Variants in ADAMTS2 observed in about 807,000 individuals in gnomAD.
The protein encoded by ADAMTS2 is A disintegrin and metalloproteinase with thrombospondin motifs 2.
A neutral mutation model predicts 123.0 loss-of-function variants in ADAMTS2; 50 were observed. The ratio of observed to expected loss-of-function variants is 0.41; its 90% confidence interval spans 0.32 to 0.51. The LOEUF is 0.51. Among genes scored for constraint, ADAMTS2 ranks in the 20% least tolerant of loss-of-function variants. ADAMTS2 has a pLI of 0.35. For synonymous variants in ADAMTS2, 678 were observed against 695.4 expected, an observed-to-expected ratio of 0.98 and a Z score of 0.39; for missense variants, 1,494 against 1,705.2, an observed-to-expected ratio of 0.88 and a Z score of 2.18.
In ADAMTS2 at chr5:179,135,778, C is replaced by T. The variant is rs926114034; in HGVS notation, c.2085+131G>A. 11 of 1,371,792 alleles carry T rather than the reference C, an allele frequency of 8.0e-6. No individual in the cohort carries two copies. The Admixed American group carries it at 1.2e-4, about 15-fold the overall frequency. 85.0% of individuals were successfully genotyped at this position (1,371,792 alleles called of 1,614,324 possible). ...CATTTGCCAAGAGCCTGCCCTGGTCCGGGCATTGTTTCTGACACTTCGTAT... is the reference window on the plus strand; with the variant it reads ...CATTTGCCAAGAGCCTGCCCTGGTCTGGGCATTGTTTCTGACACTTCGTAT... On this transcript the variant is annotated intron_variant, in intron 13 of 21. Coordinates refer to ENST00000251582, the MANE Select transcript of ADAMTS2 (RefSeq NM_014244.5).
At chr5:179,333,172 G>A (rs983402732) in intron 2 of ADAMTS2, among the ~76,000 whole-genome samples, 54 of 152,166 alleles carry the variant, frequency 3.5e-4, no homozygotes, top group African/African-American at 1.2e-3. Flanking sequence ...ACTGGCCATC[G>A]CTTCCTTCCA....
chr5:179,304,057 C>T (rs771714196), intron 2 of ADAMTS2, among the ~76,000 whole-genome samples: 21 of 152,162 alleles, frequency 1.4e-4, no homozygotes, highest in Non-Finnish European at 2.8e-4. Context: ...TGGACCAATG[C>T]CCAGGTCCCA....
Position 179,122,750 on chromosome 5 carries a change from G to A in ADAMTS2, c.2982C>T (p.Gly994=). ...GGCAGAGCACTGGCCGCTCCTGGGT[G>A]CCGTTGCCACAGGTTACTGAGCACT... ...WSQCSVTCGN[G]TQERPVLCRT... Residue 994 remains glycine (G), a synonymous_variant, in exon 20 of 22, where the codon GGC becomes GGT. Coordinates refer to ENST00000251582, the MANE Select transcript of ADAMTS2 (RefSeq NM_014244.5). 6.4e-7 allele frequency: 1 copy of A among 1,554,758 alleles called. No individual in the cohort carries two copies.
At chr5:179,267,418 C>T (rs1003005385) in intron 3 of ADAMTS2, among the ~76,000 whole-genome samples, 2 of 152,246 alleles carry the variant, frequency 1.3e-5, no homozygotes, top group African/African-American at 4.8e-5. Context: ...CTGACAGCAG[C>T]AGGCAGAGGC....
intron 2 of ADAMTS2, among the ~76,000 whole-genome samples, chr5:179,323,377 G>A (rs920538315): frequency 6.6e-6 from 1 of 152,258 alleles, no homozygotes; most frequent in African/African-American, 2.4e-5. Context: ...AGAATACTTT[G>A]GGGAGGAGAA....
intron 2 of ADAMTS2, among the ~76,000 whole-genome samples, chr5:179,286,132 T>C (rs1756012599): frequency 6.7e-6 from 1 of 150,334 alleles, no homozygotes; most frequent in Non-Finnish European, 1.5e-5. Context: ...GAGAATCGCT[T>C]GAGCCCAGAA....
At chr5:179,311,247 T>C (rs1185169192) in intron 2 of ADAMTS2, among the ~76,000 whole-genome samples, 2 of 152,198 alleles carry the variant, frequency 1.3e-5, no homozygotes, top group African/African-American at 4.8e-5. Flanking sequence ...CAGGTGGAGC[T>C]GGCCTCTGGC....
In ADAMTS2 at chr5:179,260,941, C is replaced by T. The variant is rs1455269367; in HGVS notation, c.688+11970G>A. Among the ~76,000 whole-genome samples the T allele has an allele frequency of 1.3e-5, 2 of 152,118 alleles. No homozygotes were observed. The highest frequency in any genetic ancestry group is 4.1e-4 in the South Asian group (2 of 4,820). ...TATTAAATGACACCATGAAGAGTGC[C>T]CACCTTCGCGCAGGCCCTCGGTGAA... On this transcript the variant is annotated intron_variant, in intron 3 of 21. Transcript: ENST00000251582. This position sits in a 1 kb window ranked among gnomAD's most constrained non-coding sequence, Gnocchi z 4.2.
intron 5 of ADAMTS2, among the ~76,000 whole-genome samples, chr5:179,161,188 C>T (rs574771252): frequency 1.3e-5 from 2 of 152,290 alleles, no homozygotes; most frequent in African/African-American, 4.8e-5. Flanking sequence ...GAGTCCCTGC[C>T]AGGTAGTATC....
intron 12 of ADAMTS2, 116 bp from the exon 13 acceptor site, chr5:179,136,158 C>T (rs538602180): frequency 1.4e-6 from 2 of 1,465,944 alleles, no homozygotes; most frequent in African/African-American, 2.8e-5. Context: ...GCCCACCCTC[C>T]AGGGCAGACA....
intron 3 of ADAMTS2, among the ~76,000 whole-genome samples, chr5:179,264,790 G>A (rs1365289650): frequency 6.7e-6 from 1 of 149,822 alleles, no homozygotes; most frequent in Non-Finnish European, 1.5e-5. Flanking sequence ...AGGTACAGTG[G>A]AGATCTCAGC....
intron 3 of ADAMTS2, among the ~76,000 whole-genome samples, chr5:179,239,479 A>T (rs1372218315): frequency 4.6e-5 from 7 of 152,064 alleles, no homozygotes; most frequent in African/African-American, 1.7e-4. Flanking sequence ...TTCCAAATTG[A>T]GGTTGGCAAG....
In ADAMTS2 at chr5:179,136,749, T is replaced by C. The variant is rs912447395; in HGVS notation, c.1952-707A>G. ...ACTTTGGGAGGCCGAGGCAGGCGGA[T>C]CATGACGTCAGGAGATGGAGACCAT... On this transcript the variant is annotated intron_variant, in intron 12 of 21. Coordinates refer to ENST00000251582, the MANE Select transcript of ADAMTS2 (RefSeq NM_014244.5). Among the ~76,000 whole-genome samples the C allele has an allele frequency of 1.5e-4, 23 of 150,236 alleles. 1 individual carries two copies. The highest frequency in any genetic ancestry group is 3.9e-4 in the African/African-American group (16 of 40,610).
rs755997172 is a variant in ADAMTS2 at position 179,158,774 on chromosome 5, C to T, written c.1081G>A (p.Asp361Asn). ...KPDTGHDEYH[D>N]HAIFLTRQDF... ...TGCCGTGTGAGGAAGATGGCGTGAT[C>T]GTGGTATTCATCGTGGCCCGTGTCT... The change falls in exon 6 of 22, where the codon GAT becomes AAT. Residue 361 changes from aspartate to asparagine, a missense_variant. By Grantham distance (23) the Asp-to-Asn change is conservative (BLOSUM62 1). Transcript: ENST00000251582. This position sits in a 1 kb window ranked among gnomAD's most constrained non-coding sequence, Gnocchi z 5.0. The T allele has an allele frequency of 3.7e-6, 6 of 1,614,226 alleles. No homozygotes were observed. The highest frequency in any genetic ancestry group is 4.2e-6 in the Non-Finnish European group (5 of 1,180,054).
At chr5:179,319,051 A>C (rs1757082448) in intron 2 of ADAMTS2, among the ~76,000 whole-genome samples, 1 of 152,208 alleles carries the variant, frequency 6.6e-6, no homozygotes, top group Non-Finnish European at 1.5e-5. Flanking sequence ...CTATTCCCTC[A>C]ACACACAGGC....
At chr5:179,192,193 T>C (rs1764320699) in intron 4 of ADAMTS2, among the ~76,000 whole-genome samples, 2 of 152,168 alleles carry the variant, frequency 1.3e-5, no homozygotes, top group African/African-American at 4.8e-5. Context: ...GGCCATCACC[T>C]TGCACTGTGC....
rs377743173 is a variant in ADAMTS2, at chr5:179,314,575, C to T, written c.534+29192G>A. On this transcript the variant is annotated intron_variant, in intron 2 of 21. Coordinates refer to ENST00000251582, the MANE Select transcript of ADAMTS2 (RefSeq NM_014244.5). The surrounding 1 kb of genome is among the most constrained non-coding windows in gnomAD (Gnocchi z 4.5). Reference sequence around the variant, plus strand: ...CCCCCCGGGCCGTGTCTCTCTCTCACGGGCCCACATCCTCACTGGACTGTC... The same window carrying T: ...CCCCCCGGGCCGTGTCTCTCTCTCATGGGCCCACATCCTCACTGGACTGTC... 5.0e-4 allele frequency among the ~76,000 whole-genome samples: 76 copies of T among 152,320 alleles called. No homozygotes were observed. Among genetic ancestry groups the T allele is most frequent in the African/African-American group, 1.3e-3 (52 of 41,592 alleles).
rs1762770856 is a variant in ADAMTS2, at chr5:179,121,891, C to T, written c.3089-141G>A. 19 of 548,322 alleles carry T rather than the reference C, an allele frequency of 3.5e-5. No homozygotes were observed. In the South Asian group the frequency reaches 5.1e-4, roughly 15 times the overall value. 34.0% of individuals were successfully genotyped at this position (548,322 alleles called of 1,614,324 possible). A position where few individuals can be genotyped will look rare whatever the true frequency, so the allele number is the denominator to read the frequency against. On this transcript the variant is annotated intron_variant, in intron 20 of 21. Coordinates refer to ENST00000251582, the MANE Select transcript of ADAMTS2 (RefSeq NM_014244.5). ...CTCCCCGGGCGGACAAAGGGTCCTCCGCTGCCAAGTCCACGCCCACCTCCT... is the reference window on the plus strand; with the variant it reads ...CTCCCCGGGCGGACAAAGGGTCCTCTGCTGCCAAGTCCACGCCCACCTCCT...
chr5:179,333,645 G>C (rs1757536783), intron 2 of ADAMTS2, among the ~76,000 whole-genome samples: 1 of 141,544 alleles, frequency 7.1e-6, no homozygotes, highest in South Asian at 2.3e-4. Context: ...CTGCTGCTTG[G>C]CTGGAGTGCA....
Sources: allele counts gnomAD v4.1 joint callset (sites outside exome capture counted in the v4.1 genomes callset), GRCh38; gene constraint gnomAD v4.1.1; non-coding constraint Gnocchi (gnomAD v3.1); transcripts MANE v1.5; gene names NCBI Gene and HGNC (gene_info 2026-07-23, HGNC 2026-07-21).